The following DST variants were observed in gnomAD, a reference collection of about 807,000 sequenced individuals.
DST encodes the protein bullous pemphigoid antigen.
Under a neutral mutation model 875.2 loss-of-function variants are expected in DST, and 253 were observed. That is an observed-to-expected ratio of 0.29 (90% CI 0.26 to 0.32). The LOEUF (loss-of-function observed/expected upper bound fraction) is 0.32, where lower values mean the gene tolerates loss of function less well. Among genes scored for constraint, DST ranks in the 10% least tolerant of loss-of-function variants. DST has a pLI of 1.00. For synonymous variants in DST, 3,124 were observed against 3,197.1 expected, an observed-to-expected ratio of 0.98 and a Z score of 0.77; for missense variants, 8,287 against 9,111.6, an observed-to-expected ratio of 0.91 and a Z score of 3.68.
chr6:56,804,326 T>C (rs2099750714), intron 4 of DST, among the ~76,000 whole-genome samples: 1 of 152,088 alleles, frequency 6.6e-6, no homozygotes, highest in Non-Finnish European at 1.5e-5. Context: ...TAGGAAAAGC[T>C]GTCGTTAAGT....
At chr6:56,611,309 G>A (rs1007634637) in intron 38 of DST, among the ~76,000 whole-genome samples, 199 bp downstream of exon 38, 2 of 151,912 alleles carry the variant, frequency 1.3e-5, no homozygotes, top group African/African-American at 4.8e-5. Flanking sequence ...GGGATAATAA[G>A]AATATTTCAA....
chr6:56,939,785 G>A (rs1416476199), intron 2 of DST, among the ~76,000 whole-genome samples: 2 of 152,046 alleles, frequency 1.3e-5, no homozygotes, highest in African/African-American at 4.8e-5. Flanking sequence ...AGCACTTTGG[G>A]AGGCCGAGGC....
At chr6:56,616,194 T>A in intron 36 of DST, 1 of 1,614,242 alleles carries the variant, frequency 6.2e-7, no homozygotes, top group Non-Finnish European at 8.5e-7. Flanking sequence ...GTAAGTGTGA[T>A]GAGGCCTTCC....
At chr6:56,812,109 A>AAAAAAGAAAAGAAAAGAAAAGAAAAG (rs1554158454) in intron 4 of DST, among the ~76,000 whole-genome samples, 12 of 111,822 alleles carry the variant, frequency 1.1e-4, no homozygotes, top group South Asian at 3.1e-4. Context: ...CTCAAAAAAA[A>AAAAAAGAAAAGAAAAGAAAAGAAAAG]AAAAGAAAAG....
intron 93 of DST, among the ~76,000 whole-genome samples, chr6:56,473,387 C>T (rs1002266573): frequency 1.3e-5 from 2 of 152,174 alleles, no homozygotes; most frequent in Admixed American, 6.5e-5. Flanking sequence ...TGATTGTTTT[C>T]AATGTCATGT....
chr6:56,909,652 C>G (rs1180222870), intron 2 of DST, among the ~76,000 whole-genome samples: 1 of 152,218 alleles, frequency 6.6e-6, no homozygotes, highest in East Asian at 1.9e-4. Context: ...ACCTTGAAGG[C>G]TCATTAAAAT....
intron 36 of DST, chr6:56,615,392 C>G (rs2098603601): frequency 8.5e-6 from 13 of 1,536,468 alleles, no homozygotes; most frequent in Middle Eastern, 1.7e-4. Flanking sequence ...CAATTTGCAG[C>G]CCTCAAGAAA....
In DST at chr6:56,605,105, C is replaced by T. The variant is rs759777021; in HGVS notation, c.9523G>A (p.Glu3175Lys). Residue 3175 changes from glutamate (E) to lysine (K), a missense_variant, in exon 40 of 104, where the codon GAG (glutamate) becomes AAG (lysine). Physicochemically the swap from Glu to Lys is moderately conservative, Grantham distance 56. Around this residue, in one of 10 missense-constraint regions of DST, gnomAD observed 3,138 missense variants for 3,116.6 expected, o/e 1.01. Transcript: ENST00000680361. ...HFEESFTDGP[E>K]KELDLFTYLK... ...TAAGTAAACAGATCAAGCTCTTTCT[C>T]AGGTCCATCAGTGAATGACTCCTCA... The T allele has an allele frequency of 6.2e-7, 1 of 1,612,692 alleles. No individual in the cohort carries two copies. The highest frequency in any genetic ancestry group is 8.5e-7 in the Non-Finnish European group (1 of 1,179,312).
intron 30 of DST, 52 bp from the exon 31 acceptor site, chr6:56,630,435 C>A: frequency 6.6e-7 from 1 of 1,511,554 alleles, no homozygotes; most frequent in Non-Finnish European, 9.1e-7. Flanking sequence ...TTTATTTTTG[C>A]ATAATGTAGT....
chr6:56,854,017 G>GT (rs1562187351), intron 3 of DST, among the ~76,000 whole-genome samples: 1 of 151,878 alleles, frequency 6.6e-6, no homozygotes, highest in Non-Finnish European at 1.5e-5. Flanking sequence ...TTAAAGTATC[G>GT]GATTTTTTCC....
chr6:56,664,021 A>C (rs2099058667), intron 10 of DST, among the ~76,000 whole-genome samples: 1 of 151,940 alleles, frequency 6.6e-6, no homozygotes, highest in Non-Finnish European at 1.5e-5. Context: ...GAATGAGATA[A>C]ATTAAAAACA....
At chr6:56,809,688 C>A (rs1463859126) in intron 4 of DST, among the ~76,000 whole-genome samples, 1 of 152,116 alleles carries the variant, frequency 6.6e-6, no homozygotes, top group African/African-American at 2.4e-5. Context: ...GTAAACGTAA[C>A]CATTCATGAT....
intron 3 of DST, among the ~76,000 whole-genome samples, chr6:56,868,257 C>T (rs1441112701): frequency 6.6e-6 from 1 of 152,180 alleles, no homozygotes; most frequent in Non-Finnish European, 1.5e-5. Context: ...GGTCTTGTTT[C>T]CAATCGTGGT....
At chr6:56,722,364 G>GTTTTTTATTTATTTATTTA (rs1230979603) in intron 5 of DST, among the ~76,000 whole-genome samples, 26 of 137,114 alleles carry the variant, frequency 1.9e-4, no homozygotes, top group African/African-American at 8.7e-4. Flanking sequence ...AGTAGTACAT[G>GTTTTTTATTTATTTATTTA]TTTGTTTATT....
At chr6:56,921,698 T>C (rs1441652257) in intron 2 of DST, among the ~76,000 whole-genome samples, 1 of 152,200 alleles carries the variant, frequency 6.6e-6, no homozygotes, top group Non-Finnish European at 1.5e-5. Flanking sequence ...ATGTATATAA[T>C]TGATACGTAA....
At chr6:56,613,737 C>T (rs2098577648) in intron 37 of DST, among the ~76,000 whole-genome samples, 2 of 152,188 alleles carry the variant, frequency 1.3e-5, no homozygotes, top group African/African-American at 4.8e-5. Context: ...AAGGACATCT[C>T]CCAAGCTGCG....
intron 37 of DST, 42 bp downstream of exon 37, chr6:56,614,314 C>T (rs148479045): frequency 1.3e-6 from 2 of 1,539,134 alleles, no homozygotes; most frequent in East Asian, 2.3e-5. Context: ...GTTAACGTCC[C>T]TGCTATTATT....
At chr6:56,891,010 C>T (rs1787121766) in intron 3 of DST, among the ~76,000 whole-genome samples, 1 of 152,218 alleles carries the variant, frequency 6.6e-6, no homozygotes, top group Non-Finnish European at 1.5e-5. Flanking sequence ...AGAAAAGACA[C>T]AGGCTTTAGA....
At chr6:56,631,480 A>T in intron 29 of DST, 91 bp from the exon 30 acceptor site, 1 of 1,015,942 alleles carries the variant, frequency 9.8e-7, no homozygotes, top group Non-Finnish European at 1.5e-6. Context: ...ATTTCACATT[A>T]AGAACCAATG....
Sources: allele counts gnomAD v4.1 joint callset (sites outside exome capture counted in the v4.1 genomes callset), GRCh38; gene constraint gnomAD v4.1.1; regional missense constraint gnomAD v4.1.1; transcripts MANE v1.5; gene names NCBI Gene and HGNC (gene_info 2026-07-23, HGNC 2026-07-21).